Variants in SLC9A4 observed in about 807,000 individuals in gnomAD.
The protein encoded by SLC9A4 is sodium/hydrogen exchanger 4.
A neutral mutation model predicts 67.4 loss-of-function variants in SLC9A4; 63 were observed. The observed-to-expected ratio is 0.93, with a 90% CI of 0.76 to 1.15. The LOEUF (loss-of-function observed/expected upper bound fraction) is 1.15, where lower values mean the gene tolerates loss of function less well. Among genes scored for constraint, SLC9A4 ranks in the 50% most tolerant of loss-of-function variants. The probability of loss-of-function intolerance (pLI) is 0.00; values close to 1 mark genes in which losing one functional copy is unlikely to be tolerated. For synonymous variants in SLC9A4, 393 were observed against 367.2 expected (o/e 1.07, Z -0.80); for missense variants, 1,089 against 987.7 (o/e 1.10, Z -1.38).
chr2:102,491,550 G>A (rs1328709335), intron 2 of SLC9A4, among the ~76,000 whole-genome samples: 1 of 151,780 alleles, frequency 6.6e-6, no homozygotes, highest in Non-Finnish European at 1.5e-5. Context: ...GATCTCATGA[G>A]ACTTATTCAT....
intron 2 of SLC9A4, among the ~76,000 whole-genome samples, chr2:102,501,446 C>T (rs952457386): frequency 3.3e-5 from 5 of 152,012 alleles, no homozygotes; most frequent in Admixed American, 6.5e-5. Flanking sequence ...GGTTTCACCA[C>T]GTTGGCAAGG....
chr2:102,479,671 T>A (rs542512926), intron 2 of SLC9A4, among the ~76,000 whole-genome samples: 19 of 152,348 alleles, frequency 1.2e-4, no homozygotes, highest in African/African-American at 2.6e-4. Context: ...TTCCTCTCCA[T>A]CATCAGACCT....
chr2:102,492,072 G>C (rs1233882406), intron 2 of SLC9A4, among the ~76,000 whole-genome samples: 1 of 152,198 alleles, frequency 6.6e-6, no homozygotes, highest in Non-Finnish European at 1.5e-5. Flanking sequence ...ATGCAAGTAG[G>C]TTCCCATGGT....
rs529969891 is a variant in SLC9A4, at chr2:102,533,856, G to A, written c.*1168G>A. On this transcript the variant is annotated 3_prime_UTR_variant, in exon 12 of 12. Transcript: ENST00000295269. ...TTTTATGGCTGCATGGTATTCCATG[G>A]TGTATATGTGCCACATTTTCTTAAT... is the stretch of plus-strand genomic sequence containing the variant. 242 of 151,338 alleles carry A rather than the reference G, an allele frequency of 1.6e-3. No individual in the cohort carries two copies. Among genetic ancestry groups the A allele is most frequent in the African/African-American group, 5.7e-3 (236 of 41,218 alleles). The allele number at this position is 151,338 out of a possible 1,614,324, so 9.4% of individuals were successfully genotyped here. A position where few individuals can be genotyped will look rare whatever the true frequency, so the allele number is the denominator to read the frequency against.
Position 102,478,867 on chromosome 2 carries a change from C to T in SLC9A4, c.285C>T (p.Gly95=), listed in dbSNP as rs747211085. The stretch of plus-strand genomic sequence containing the variant: ...TCCACCTCTACCACAGGCTGCCAGG[C>T]CTCATGCCAGAAAGCTGCCTCCTCA... ...IGFHLYHRLP[G]LMPESCLLIL... Residue 95 remains glycine, a synonymous_variant, in exon 2 of 12, where the codon GGC becomes GGT. Transcript: ENST00000295269. The T allele has an allele frequency of 2.5e-6, 4 of 1,613,982 alleles. No homozygotes were observed. In the South Asian group the frequency reaches 4.4e-5, roughly 18 times the overall value.
chr2:102,508,083 A>G lies in SLC9A4; in HGVS notation c.1203A>G (p.Val401=). The G allele has an allele frequency of 6.2e-7, 1 of 1,614,054 alleles. No individual in the cohort carries two copies. The highest frequency in any genetic ancestry group is 2.2e-5 in the East Asian group (1 of 44,866). ...AFCQIWRAIS[V]FALFYISNQF... Reference sequence around the variant, plus strand: ...TACACGTTTCCCCCTTTCTAGGCGTATTTGCTCTCTTCTATATCAGTAACC... The same window carrying G: ...TACACGTTTCCCCCTTTCTAGGCGTGTTTGCTCTCTTCTATATCAGTAACC... The change falls in exon 5 of 12, where the codon GTA becomes GTG. Residue 401 remains valine, a synonymous_variant. Transcript: ENST00000295269.
intron 10 of SLC9A4, among the ~76,000 whole-genome samples, chr2:102,526,045 G>A (rs554201129): frequency 2.4e-4 from 37 of 152,074 alleles, no homozygotes; most frequent in African/African-American, 8.0e-4. Flanking sequence ...CCGTCTCCAC[G>A]CCCTGCTAAT....
rs4851016 is a variant in SLC9A4, at chr2:102,503,941, C to T, written c.980+234C>T. ...GATTTGCCTGAGGAGGAAAGCATAG[C>T]AATTATCACGTCAATTTAGAAGGCT... On this transcript the variant is annotated intron_variant, in intron 3 of 11. Transcript: ENST00000295269. Among the ~76,000 whole-genome samples the T allele has an allele frequency of 0.71, 107,787 of 152,138 alleles. 38,919 individuals are homozygous for T. Among genetic ancestry groups the T allele is most frequent in the Middle Eastern group, 0.77 (227 of 294 alleles).
intron 2 of SLC9A4, among the ~76,000 whole-genome samples, chr2:102,498,397 G>A (rs1041950910): frequency 3.3e-5 from 5 of 152,224 alleles, no homozygotes; most frequent in African/African-American, 4.8e-5. Flanking sequence ...AGGCCATTGG[G>A]ACAGTCTGGG....
chr2:102,493,560 C>T (rs867682465), intron 2 of SLC9A4, among the ~76,000 whole-genome samples: 1 of 151,736 alleles, frequency 6.6e-6, no homozygotes, highest in Non-Finnish European at 1.5e-5. Flanking sequence ...GGTAACCATC[C>T]CCATGATTCA....
At chr2:102,521,519 T>C (rs1685419220) in intron 9 of SLC9A4, among the ~76,000 whole-genome samples, 1 of 152,272 alleles carries the variant, frequency 6.6e-6, no homozygotes, top group Non-Finnish European at 1.5e-5. Context: ...GAGGTGGCTT[T>C]TTGACTCTGC....
intron 2 of SLC9A4, among the ~76,000 whole-genome samples, chr2:102,502,677 C>T (rs1234455441): frequency 2.6e-5 from 4 of 152,154 alleles, no homozygotes; most frequent in African/African-American, 9.7e-5. Flanking sequence ...GGCAAACAAT[C>T]GACCACCCTC....
In SLC9A4 at chr2:102,533,319, G is replaced by A. The variant is rs1674818882; in HGVS notation, c.*631G>A. On this transcript the variant is annotated 3_prime_UTR_variant, in exon 12 of 12. Coordinates refer to ENST00000295269, the MANE Select transcript of SLC9A4 (RefSeq NM_001011552.4). ...ACTATAGGATTAATCTGTGAACAAT[G>A]GGTTTACGGTCTATTTCATAATTGA... 6.6e-6 allele frequency: 1 copy of A among 152,146 alleles called. No homozygotes were observed. The highest frequency in any genetic ancestry group is 1.5e-5 in the Non-Finnish European group (1 of 68,018). The allele number at this position is 152,146 out of a possible 1,614,324, so 9.4% of individuals were successfully genotyped here. A position where few individuals can be genotyped will look rare whatever the true frequency, so the allele number is the denominator to read the frequency against.
intron 6 of SLC9A4, among the ~76,000 whole-genome samples, chr2:102,511,452 T>G (rs1464593948): frequency 6.6e-6 from 1 of 152,096 alleles, no homozygotes; most frequent in African/African-American, 2.4e-5. Context: ...AAGTTATAAT[T>G]TTTGGTAGAA....
At chr2:102,501,641 G>C (rs373387403) in intron 2 of SLC9A4, among the ~76,000 whole-genome samples, 2 of 152,056 alleles carry the variant, frequency 1.3e-5, no homozygotes, top group African/African-American at 2.4e-5. Context: ...AGCTAGGAAA[G>C]GGGCTGGGGG....
intron 2 of SLC9A4, among the ~76,000 whole-genome samples, chr2:102,481,412 T>A (rs1450238675): frequency 6.6e-6 from 1 of 152,214 alleles, no homozygotes; most frequent in Non-Finnish European, 1.5e-5. Flanking sequence ...CAACTGCAAA[T>A]CATGACTCTG....
intron 2 of SLC9A4, among the ~76,000 whole-genome samples, chr2:102,480,789 C>G (rs1364377946): frequency 6.6e-6 from 1 of 152,192 alleles, no homozygotes; most frequent in Non-Finnish European, 1.5e-5. Context: ...TGGCCAAACA[C>G]AGACACCCAA....
At chr2:102,505,212 A>G (rs1321285809) in intron 3 of SLC9A4, 42 bp from the exon 4 acceptor site, 1 of 1,586,046 alleles carries the variant, frequency 6.3e-7, no homozygotes, top group African/African-American at 1.3e-5. Flanking sequence ...GTGGAGGGGG[A>G]AAACCTCATG....
intron 5 of SLC9A4, 59 bp downstream of exon 5, chr2:102,508,340 T>C (rs1243938222): frequency 1.4e-6 from 2 of 1,410,870 alleles, no homozygotes; most frequent in Non-Finnish European, 1.9e-6. Context: ...TGTAGTAAAT[T>C]AGTAAAATAC....
Sources: allele counts gnomAD v4.1 joint callset (sites outside exome capture counted in the v4.1 genomes callset), GRCh38; gene constraint gnomAD v4.1.1; transcripts MANE v1.5; gene names NCBI Gene and HGNC (gene_info 2026-07-23, HGNC 2026-07-21).